The following RAB22A variants were observed in gnomAD, a reference collection of about 807,000 sequenced individuals.
RAB22A encodes the protein ras-related protein Rab-22A.
A neutral mutation model predicts 30.2 loss-of-function variants in RAB22A; 13 were observed. The ratio of observed to expected loss-of-function variants is 0.43; its 90% confidence interval spans 0.28 to 0.68. The LOEUF is 0.68. RAB22A is among the 30% of genes least tolerant of loss of function. The pLI is 0.18. For synonymous variants in RAB22A, 89 were observed against 87.2 expected, an observed-to-expected ratio of 1.02 and a Z score of -0.11; for missense variants, 177 against 246.8, an observed-to-expected ratio of 0.72 and a Z score of 1.89.
chr20:58,311,252 G>T, intron 2 of RAB22A, 130 bp downstream of exon 2: 1 of 875,298 alleles, frequency 1.1e-6, no homozygotes. Context: ...CATCATCTCT[G>T]GAAGGACTTG....
intron 2 of RAB22A, among the ~76,000 whole-genome samples, chr20:58,336,862 G>T (rs1986764397): frequency 6.6e-6 from 1 of 152,046 alleles, no homozygotes. Flanking sequence ...CTTCTATGTG[G>T]TCACCTAACT....
intron 3 of RAB22A, among the ~76,000 whole-genome samples, chr20:58,347,642 T>C (rs1986974235): frequency 6.6e-6 from 1 of 152,208 alleles, no homozygotes; most frequent in South Asian, 2.1e-4. Context: ...CTGGCTGCAA[T>C]AATAAACCTA....
rs1226682441 is a variant in RAB22A at position 58,343,173 on chromosome 20, A to G, written c.117-545A>G. On this transcript the variant is annotated intron_variant, in intron 2 of 6. Coordinates refer to ENST00000244040, the MANE Select transcript of RAB22A (RefSeq NM_020673.3). ...TGGTCGTCAGGGGCACTGATGATGA[A>G]TCGGGTCCCCTTGGTGCAGCTGTTA... Among the ~76,000 whole-genome samples the G allele has an allele frequency of 7.8e-4, 118 of 152,130 alleles. 2 individuals carry two copies. Among genetic ancestry groups the G allele is most frequent in the Admixed American group, 7.6e-3 (116 of 15,276 alleles).
At chr20:58,357,473 G>A (rs1429069516) in intron 6 of RAB22A, among the ~76,000 whole-genome samples, 1 of 152,102 alleles carries the variant, frequency 6.6e-6, no homozygotes, top group Non-Finnish European at 1.5e-5. Context: ...TAATCTGACT[G>A]ATCCTTGTTT....
intron 2 of RAB22A, among the ~76,000 whole-genome samples, chr20:58,336,166 C>G (rs1050841117): frequency 6.6e-6 from 1 of 152,092 alleles, no homozygotes; most frequent in Non-Finnish European, 1.5e-5. Context: ...CCCACCACGA[C>G]GCCCAGCTAA....
chr20:58,340,203 T>C (rs534439257), intron 2 of RAB22A, among the ~76,000 whole-genome samples: 129 of 152,294 alleles, frequency 8.5e-4, no homozygotes, highest in African/African-American at 3.1e-3. Flanking sequence ...AAAAGCGATA[T>C]GACTTCTTAG....
At chr20:58,320,309 TTGAG>T (rs1986427521) in intron 2 of RAB22A, among the ~76,000 whole-genome samples, 1 of 152,256 alleles carries the variant, frequency 6.6e-6, no homozygotes, top group African/African-American at 2.4e-5. Flanking sequence ...CTATTTCTTC[TTGAG>T]TAAGTTGGTA....
intron 2 of RAB22A, among the ~76,000 whole-genome samples, chr20:58,323,451 C>CA (rs1231614543): frequency 6.6e-6 from 1 of 151,752 alleles, no homozygotes; most frequent in East Asian, 1.9e-4. Flanking sequence ...AATTCTTAAA[C>CA]ATTTTACTTA....
intron 2 of RAB22A, among the ~76,000 whole-genome samples, chr20:58,337,934 T>C (rs1242857086): frequency 6.6e-6 from 1 of 152,232 alleles, no homozygotes; most frequent in African/African-American, 2.4e-5. Context: ...TTGTTGATTT[T>C]GTTTTTGATG....
intron 3 of RAB22A, among the ~76,000 whole-genome samples, chr20:58,346,451 G>A (rs1019701404): frequency 1.3e-5 from 2 of 152,146 alleles, no homozygotes; most frequent in Non-Finnish European, 2.9e-5. Context: ...CTCTGGATAC[G>A]CTGTTCCTTC....
chr20:58,318,984 C>T (rs915136186), intron 2 of RAB22A, among the ~76,000 whole-genome samples: 3 of 151,948 alleles, frequency 2.0e-5, no homozygotes, highest in Admixed American at 6.6e-5. Flanking sequence ...TGGTGTATGT[C>T]GTATGGAAAG....
At chr20:58,341,910 C>G (rs1435180653) in intron 2 of RAB22A, among the ~76,000 whole-genome samples, 1 of 152,080 alleles carries the variant, frequency 6.6e-6, no homozygotes, top group Non-Finnish European at 1.5e-5. Flanking sequence ...CTGTTGGATG[C>G]CTGTTGTCAC....
chr20:58,310,460 C>T (rs1986202418), intron 1 of RAB22A, among the ~76,000 whole-genome samples: 1 of 151,842 alleles, frequency 6.6e-6, no homozygotes, highest in South Asian at 2.1e-4. Flanking sequence ...GATACCCCTG[C>T]CACTTGTCCA....
intron 2 of RAB22A, among the ~76,000 whole-genome samples, chr20:58,337,001 G>A (rs1362088623): frequency 6.6e-6 from 1 of 152,074 alleles, no homozygotes; most frequent in Non-Finnish European, 1.5e-5. Context: ...GGGGGTCCTC[G>A]CCCATCTTCT....
At chr20:58,355,164 G>A (rs1987111194) in intron 6 of RAB22A, among the ~76,000 whole-genome samples, 1 of 152,168 alleles carries the variant, frequency 6.6e-6, no homozygotes, top group Non-Finnish European at 1.5e-5. Context: ...ATGTGGTTGA[G>A]AGCCAAGGGT....
At chr20:58,316,607 A>G (rs1986345742) in intron 2 of RAB22A, among the ~76,000 whole-genome samples, 1 of 152,128 alleles carries the variant, frequency 6.6e-6, no homozygotes, top group South Asian at 2.1e-4. Flanking sequence ...GTGTTCCTCA[A>G]GTGTGCTAGA....
At chr20:58,353,409 G>A in intron 4 of RAB22A, 23 bp from the exon 5 acceptor site, 1 of 1,608,260 alleles carries the variant, frequency 6.2e-7, no homozygotes, top group Non-Finnish European at 8.5e-7. Context: ...ATCTCCAGTT[G>A]CTCTCTTTTT....
In RAB22A at chr20:58,315,711, T is replaced by TCCCCAAA. The variant is rs563684245; in HGVS notation, c.116+4595_116+4601dup. On this transcript the variant is annotated intron_variant, in intron 2 of 6. Coordinates refer to ENST00000244040, the MANE Select transcript of RAB22A (RefSeq NM_020673.3). ...CCTCTTCACCCCACCCCCAGCCCAATCCCCAAACCCCATTCATATCCATTT... is the reference window on the plus strand; with the variant it reads ...CCTCTTCACCCCACCCCCAGCCCAATCCCCAAACCCCAAACCCCATTCATATCCATTT... Among the ~76,000 whole-genome samples, 982 of 151,126 alleles carry TCCCCAAA rather than the reference T, an allele frequency of 6.5e-3. 13 individuals are homozygous for TCCCCAAA. Among genetic ancestry groups the TCCCCAAA allele is most frequent in the African/African-American group, 0.022 (908 of 41,156 alleles).
chr20:58,351,831 C>T (rs1166984499), intron 3 of RAB22A, among the ~76,000 whole-genome samples: 1 of 152,140 alleles, frequency 6.6e-6, no homozygotes, highest in East Asian at 1.9e-4. Context: ...GACCTAAATC[C>T]AAATATATTA....
Sources: allele counts gnomAD v4.1 joint callset (sites outside exome capture counted in the v4.1 genomes callset), GRCh38; gene constraint gnomAD v4.1.1; transcripts MANE v1.5; gene names NCBI Gene and HGNC (gene_info 2026-07-23, HGNC 2026-07-21).